The following SLC24A2 variants were observed in gnomAD, a reference collection of about 807,000 sequenced individuals.
The protein encoded by SLC24A2 is sodium/potassium/calcium exchanger 2.
A neutral mutation model predicts 62.0 loss-of-function variants in SLC24A2; 36 were observed. The ratio of observed to expected loss-of-function variants is 0.58; its 90% CI spans 0.44 to 0.77. The LOEUF is 0.77. Ranked by LOEUF, SLC24A2 falls within the 30% of genes least tolerant of loss-of-function variation. SLC24A2 has a pLI of 0.00. For synonymous variants in SLC24A2, 358 were observed against 294.0 expected (o/e 1.22, Z -2.23); for missense variants, 846 against 817.9 (o/e 1.03, Z -0.42).
chr9:20,147,202 A>G, the SLC24A2 span, among the ~76,000 whole-genome samples: 1 of 152,130 alleles, frequency 6.6e-6, no homozygotes, highest in African/African-American at 2.4e-5. Flanking sequence ...GGCATTCAGT[A>G]TTGCCTGGAG....
the SLC24A2 span, among the ~76,000 whole-genome samples, chr9:20,088,979 T>C: frequency 2.0e-5 from 3 of 152,116 alleles, no homozygotes; most frequent in South Asian, 4.1e-4. Context: ...AGAAAAGTGG[T>C]CAGACTATTA....
chr9:19,720,837 A>ATGTGTGTGTG (rs10692458), intron 2 of SLC24A2, among the ~76,000 whole-genome samples: 43 of 140,524 alleles, frequency 3.1e-4, no homozygotes, highest in African/African-American at 9.2e-4. Context: ...ATGTGGAATG[A>ATGTGTGTGTG]TGTGTGTGTG....
chr9:19,636,310 TTTTCTTTTCTTTCTTTCTTTCTTTC>T lies in SLC24A2; in HGVS notation c.931-14036_931-14012del, dbSNP rs1818324419. ...TCTTCTTTTCTTTTCTTTTCTTTTC[TTTTCTTTTCTTTCTTTCTTTCTTTC>T]TTTCTTTCTTTCTTTCTTTCTTTCT... On this transcript the variant is annotated intron_variant, in intron 2 of 10. Transcript: ENST00000341998. Among the ~76,000 whole-genome samples, 10 of 34,182 alleles carry T rather than the reference TTTTCTTTTCTTTCTTTCTTTCTTTC, an allele frequency of 2.9e-4. 1 individual carries two copies. Among genetic ancestry groups the T allele is most frequent in the African/African-American group, 1.1e-3 (9 of 7,898 alleles). The allele number at this position is 34,182 out of a possible 152,430, so 22.4% of individuals were successfully genotyped here.
At chr9:20,100,108 C>T in the SLC24A2 span, among the ~76,000 whole-genome samples, 18 of 152,106 alleles carry the variant, frequency 1.2e-4, no homozygotes, top group Non-Finnish European at 2.2e-4. Flanking sequence ...CTCCTGGGCT[C>T]AGGTGATCCT....
the SLC24A2 span, among the ~76,000 whole-genome samples, chr9:19,923,679 G>A: frequency 6.6e-6 from 1 of 152,194 alleles, no homozygotes; most frequent in African/African-American, 2.4e-5. Context: ...TGTCACCTTT[G>A]GAGAATGTGA....
the SLC24A2 span, among the ~76,000 whole-genome samples, chr9:19,846,676 G>C: frequency 6.6e-6 from 1 of 152,080 alleles, no homozygotes; most frequent in African/African-American, 2.4e-5. Flanking sequence ...AGGGTCTGTG[G>C]GCTATGTATT....
the SLC24A2 span, among the ~76,000 whole-genome samples, chr9:20,173,004 C>A: frequency 3.4e-3 from 513 of 152,178 alleles, 1 homozygote; most frequent in African/African-American, 0.012. Context: ...GGGTTTCATA[C>A]CAGGGTTGCA....
At chr9:19,667,826 C>T (rs1819300340) in intron 2 of SLC24A2, among the ~76,000 whole-genome samples, 1 of 152,172 alleles carries the variant, frequency 6.6e-6, no homozygotes, top group Admixed American at 6.5e-5. Flanking sequence ...TGCTGCTCCT[C>T]TCTGCCTGGA....
the SLC24A2 span, among the ~76,000 whole-genome samples, chr9:19,891,532 T>C: frequency 6.6e-6 from 1 of 152,106 alleles, no homozygotes; most frequent in Non-Finnish European, 1.5e-5. Context: ...AGAAAGCATG[T>C]CACATTGTGA....
the SLC24A2 span, among the ~76,000 whole-genome samples, chr9:20,006,239 A>G: frequency 6.6e-6 from 1 of 151,884 alleles, no homozygotes; most frequent in East Asian, 1.9e-4. Flanking sequence ...TCTACTTTCT[A>G]TATTTCCATA....
chr9:20,265,029 T>C, the SLC24A2 span, among the ~76,000 whole-genome samples: 1 of 152,342 alleles, frequency 6.6e-6, no homozygotes, highest in East Asian at 1.9e-4. Context: ...GCATGGGTCT[T>C]TCACCACCTG....
the SLC24A2 span, among the ~76,000 whole-genome samples, chr9:19,971,876 C>T: frequency 2.0e-5 from 3 of 152,150 alleles, no homozygotes; most frequent in Admixed American, 6.6e-5. Context: ...TTCATAACAA[C>T]CCTATAAGGC....
chr9:19,724,373 C>A (rs908026137), intron 2 of SLC24A2, among the ~76,000 whole-genome samples: 5 of 152,112 alleles, frequency 3.3e-5, no homozygotes, highest in Admixed American at 6.6e-5. Context: ...ACAATAAGAG[C>A]AAGTCATTAT....
the SLC24A2 span, among the ~76,000 whole-genome samples, chr9:20,208,273 G>A: frequency 6.6e-6 from 1 of 152,156 alleles, no homozygotes; most frequent in Admixed American, 6.6e-5. Flanking sequence ...AGGAAAGCAG[G>A]CATTTGCCAG....
At chr9:20,118,507 C>CTTATATTTAAAAAACTAT in the SLC24A2 span, among the ~76,000 whole-genome samples, 1 of 151,904 alleles carries the variant, frequency 6.6e-6, no homozygotes, top group South Asian at 2.1e-4. Context: ...GGATTCACTT[C>CTTATATTTAAAAAACTAT]TTATATTTAA....
rs1832609504 is a variant in SLC24A2, at chr9:19,508,997, T to A, written c.*7156A>T. On this transcript the variant is annotated 3_prime_UTR_variant, in exon 11 of 11. Coordinates refer to ENST00000341998, the MANE Select transcript of SLC24A2 (RefSeq NM_020344.4). ...GTCCTCCCAAGGAAGGTTAGTAATT[T>A]AGGCATAAGGAATTATTGATAAATT... 6.6e-6 allele frequency: 1 copy of A among 152,190 alleles called. No homozygotes were observed. The highest frequency in any genetic ancestry group is 1.5e-5 in the Non-Finnish European group (1 of 68,030). 9.4% of individuals were successfully genotyped at this position (152,190 alleles called of 1,614,324 possible).
chr9:20,296,175 G>A, the SLC24A2 span, among the ~76,000 whole-genome samples: 27 of 152,294 alleles, frequency 1.8e-4, no homozygotes, highest in East Asian at 1.5e-3. Flanking sequence ...TCAGATGGAC[G>A]GCATATACTT....
chr9:19,703,434 C>A (rs779423150), intron 2 of SLC24A2, among the ~76,000 whole-genome samples: 8 of 152,166 alleles, frequency 5.3e-5, no homozygotes, highest in Non-Finnish European at 8.8e-5. Flanking sequence ...AAGATCCATT[C>A]CCTCTGTCAT....
intron 2 of SLC24A2, among the ~76,000 whole-genome samples, chr9:19,739,072 G>A (rs1332975250): frequency 2.6e-5 from 4 of 152,168 alleles, no homozygotes; most frequent in South Asian, 2.1e-4. Context: ...AGCCGAGATC[G>A]TGCCACTGCA....
Sources: gnomAD v4.1 joint callset for allele counts (sites outside exome capture counted in the v4.1 genomes callset) on GRCh38, gnomAD v4.1.1 for gene constraint, MANE v1.5 for transcripts, NCBI Gene and HGNC (gene_info 2026-07-23, HGNC 2026-07-21) for gene names.